LCORL: variants seen among roughly 807,000 people sequenced by gnomAD.
The protein encoded by LCORL is ligand dependent nuclear receptor corepressor like.
In LCORL, 41 loss-of-function variants were observed where a neutral mutation model predicts 141.8. The observed-to-expected ratio is 0.29, with a 90% confidence interval of 0.23 to 0.38. LCORL has a LOEUF of 0.38. Among genes scored for constraint, LCORL ranks in the 10% least tolerant of loss-of-function variants. LCORL has a pLI of 1.00. For missense variants in LCORL, 1,759 were observed against 2,035.0 expected (o/e 0.86, Z 2.61); for synonymous variants, 618 against 694.1 (o/e 0.89, Z 1.72).
chr4:17,947,636 T>A (rs927815170), intron 4 of LCORL, among the ~76,000 whole-genome samples: 1 of 151,906 alleles, frequency 6.6e-6, no homozygotes, highest in East Asian at 1.9e-4. Flanking sequence ...CCAAGTTGTG[T>A]CCATAGATCA....
Position 17,884,430 on chromosome 4 carries a change from G to C in LCORL, c.776+1638C>G, listed in dbSNP as rs1728017429. The C allele has an allele frequency of 1.3e-6, 2 of 1,550,124 alleles. No individual in the cohort carries two copies. Among genetic ancestry groups the C allele is most frequent in the South Asian group, 2.4e-5 (2 of 83,930 alleles). On this transcript the variant is annotated intron_variant, in intron 6 of 7. Coordinates refer to ENST00000635767, the Ensembl canonical transcript of LCORL. This position sits in a 1 kb window ranked among gnomAD's most constrained non-coding sequence, Gnocchi z 4.4. Reference sequence around the variant, plus strand: ...AATTTTATTTCTGAGGTTTCAAGTAGATTGAGTTTACTTTTTTCTGTGCGC... The same window carrying C: ...AATTTTATTTCTGAGGTTTCAAGTACATTGAGTTTACTTTTTTCTGTGCGC...
intron 4 of LCORL, among the ~76,000 whole-genome samples, chr4:17,949,337 G>A (rs899661683): frequency 1.3e-5 from 2 of 152,154 alleles, no homozygotes; most frequent in South Asian, 2.1e-4. Flanking sequence ...CTCAGGACTT[G>A]GAAAAACGAA....
exon 7 of LCORL, chr4:17,876,606 G>A: frequency 1.6e-6 from 2 of 1,230,632 alleles, no homozygotes; most frequent in Admixed American, 4.2e-5. Context: ...GGCTTTAGGG[G>A]ATTTTTTAAA....
chr4:17,921,621 T>C (rs1734317354), intron 4 of LCORL, among the ~76,000 whole-genome samples: 2 of 152,310 alleles, frequency 1.3e-5, no homozygotes, highest in Admixed American at 1.3e-4. Context: ...AAAGGAATTC[T>C]TTCTTCTGAG....
At chr4:17,842,894 T>TG (rs750889737) in exon 8 of LCORL, 26 of 162,286 alleles carry the variant, frequency 1.6e-4, no homozygotes, top group African/African-American at 2.2e-4. Flanking sequence ...TTGTCTTTTT[T>TG]GGGGGGAAAC....
chr4:17,940,116 G>A (rs1170697762), intron 4 of LCORL, among the ~76,000 whole-genome samples: 1 of 127,326 alleles, frequency 7.9e-6, no homozygotes, highest in African/African-American at 3.9e-5. Flanking sequence ...ATATGTGTGT[G>A]TATATATATA....
chr4:17,875,264 T>C (rs1726797337), exon 7 of LCORL: 1 of 1,231,420 alleles, frequency 8.1e-7, no homozygotes, highest in Non-Finnish European at 1.0e-6. Context: ...TCCTACTTAT[T>C]GCCAAAGGCT....
intron 7 of LCORL, among the ~76,000 whole-genome samples, chr4:17,864,330 T>A (rs566518294): frequency 1.3e-5 from 2 of 152,162 alleles, no homozygotes; most frequent in East Asian, 3.9e-4. Flanking sequence ...ACTCAAGTGA[T>A]CCTCCTGCCC....
chr4:17,847,146 C>T (rs1723032807), intron 7 of LCORL, among the ~76,000 whole-genome samples: 1 of 152,154 alleles, frequency 6.6e-6, no homozygotes, highest in African/African-American at 2.4e-5. Flanking sequence ...ACTTATAGTC[C>T]ACATATTCAG....
intron 7 of LCORL, among the ~76,000 whole-genome samples, chr4:17,850,208 G>T (rs1723468205): frequency 7.0e-6 from 1 of 143,342 alleles, no homozygotes; most frequent in Non-Finnish European, 1.5e-5. Flanking sequence ...TACCATTCAG[G>T]ACATAGGCAT....
chr4:17,865,243 C>A (rs57654001), intron 7 of LCORL, among the ~76,000 whole-genome samples: 1 of 152,112 alleles, frequency 6.6e-6, no homozygotes, highest in Non-Finnish European at 1.5e-5. Context: ...TGCATAGATT[C>A]TCGGCCATAT....
chr4:17,963,442 A>G (rs1282286152), intron 2 of LCORL, among the ~76,000 whole-genome samples: 1 of 152,010 alleles, frequency 6.6e-6, no homozygotes, highest in African/African-American at 2.4e-5. Flanking sequence ...GAAAGACAAC[A>G]TAAAATAGAG....
chr4:17,990,244 G>T (rs964637820), intron 1 of LCORL, among the ~76,000 whole-genome samples: 7 of 151,790 alleles, frequency 4.6e-5, no homozygotes, highest in Non-Finnish European at 1.0e-4. Flanking sequence ...GACTACAGGC[G>T]CCCACCACCA....
chr4:17,952,912 C>A (rs1011679751), intron 4 of LCORL, among the ~76,000 whole-genome samples: 1 of 152,068 alleles, frequency 6.6e-6, no homozygotes, highest in Non-Finnish European at 1.5e-5. Flanking sequence ...TCAAGTAGGC[C>A]CCAGTGTCTA....
intron 1 of LCORL, among the ~76,000 whole-genome samples, chr4:17,974,668 G>A (rs1483011226): frequency 6.6e-6 from 1 of 152,060 alleles, no homozygotes; most frequent in Non-Finnish European, 1.5e-5. Context: ...ACTGGGAAAT[G>A]ATCCAAACTT....
At chr4:17,845,900 T>C in exon 8 of LCORL, 1 of 1,596,620 alleles carries the variant, frequency 6.3e-7, no homozygotes, top group South Asian at 1.1e-5. Flanking sequence ...ACTTGTAGCA[T>C]GCTGGAAGAA....
Position 17,974,253 on chromosome 4 carries a change from T to C in LCORL, c.155-1368A>G, listed in dbSNP as rs150723809. On this transcript the variant is annotated intron_variant, in intron 1 of 7. Coordinates refer to ENST00000635767, the Ensembl canonical transcript of LCORL. ...AAAAGTGTATTAGTTGGTCTCATTA[T>C]AGTCTTCATGCTACTATCTCTCTTC... Among the ~76,000 whole-genome samples, 50 of 152,288 alleles carry C rather than the reference T, an allele frequency of 3.3e-4. No homozygotes were observed. The East Asian group carries it at 7.5e-3, about 23-fold the overall frequency.
chr4:17,980,492 A>G (rs1243882317), intron 1 of LCORL, among the ~76,000 whole-genome samples: 1 of 152,226 alleles, frequency 6.6e-6, no homozygotes, highest in South Asian at 2.1e-4. Flanking sequence ...CCTCTTGTTT[A>G]AACAGCCATG....
intron 2 of LCORL, among the ~76,000 whole-genome samples, chr4:17,968,407 G>C (rs1437975654): frequency 2.0e-5 from 3 of 152,150 alleles, no homozygotes; most frequent in Admixed American, 2.0e-4. Flanking sequence ...CTAATAAGAA[G>C]AGAACTTACT....
Sources: gnomAD v4.1 joint callset for allele counts (sites outside exome capture counted in the v4.1 genomes callset) on GRCh38, gnomAD v4.1.1 for gene constraint, Gnocchi (gnomAD v3.1) non-coding constraint, MANE v1.5 for transcripts, NCBI Gene and HGNC (gene_info 2026-07-23, HGNC 2026-07-21) for gene names.